The following GPAT4 variants were observed in gnomAD, a reference collection of about 807,000 sequenced individuals.
GPAT4 encodes the protein 1-AGP acyltransferase 6.
A neutral mutation model predicts 58.0 loss-of-function variants in GPAT4; 17 were observed. That is an observed-to-expected ratio of 0.29 (90% CI 0.20 to 0.44). The LOEUF is 0.44. Among genes scored for constraint, GPAT4 ranks in the 20% least tolerant of loss-of-function variants. The pLI, the probability that GPAT4 is intolerant of heterozygous loss-of-function variation, is 1.00. For synonymous variants in GPAT4, 204 were observed against 210.1 expected (o/e 0.97, Z 0.25); for missense variants, 377 against 574.5 (o/e 0.66, Z 3.51).
intron 8 of GPAT4, among the ~76,000 whole-genome samples, chr8:41,613,364 C>T (rs1485936841): frequency 6.6e-6 from 1 of 151,558 alleles, no homozygotes; most frequent in Non-Finnish European, 1.5e-5. Context: ...CCAGCCTGGG[C>T]GATAGAATGA....
chr8:41,615,108 C>A, intron 10 of GPAT4, 60 bp downstream of exon 10: 1 of 1,464,902 alleles, frequency 6.8e-7, no homozygotes. Flanking sequence ...TGGGGTGCAG[C>A]AGGAGGAGGT....
chr8:41,602,383 A>G (rs1803128110), intron 2 of GPAT4, among the ~76,000 whole-genome samples: 1 of 152,186 alleles, frequency 6.6e-6, no homozygotes, highest in South Asian at 2.1e-4. Flanking sequence ...AGCCACCGAA[A>G]GGGTTGTAGA....
At chr8:41,600,031 C>CTTTTATT (rs1563273268) in intron 2 of GPAT4, among the ~76,000 whole-genome samples, 1 of 75,446 alleles carries the variant, frequency 1.3e-5, no homozygotes, top group African/African-American at 5.6e-5. Flanking sequence ...TTATCTTTTT[C>CTTTTATT]TTTTCTTTTT....
chr8:41,609,795 A>G lies in GPAT4; in HGVS notation c.376A>G (p.Ile126Val), dbSNP rs1563277144. The G allele has an allele frequency of 1.9e-6, 3 of 1,614,220 alleles. No individual in the cohort carries two copies. Among genetic ancestry groups the G allele is most frequent in the Non-Finnish European group, 2.5e-6 (3 of 1,180,040 alleles). ...CTTTTGCCGGAAAGGAATGGAGACC[A>G]TTATGGATGATGAGGTGACAAAGAG... is the stretch of plus-strand genomic sequence containing the variant. ...FYFCRKGMET[I>V]MDDEVTKRFS... Residue 126 changes from isoleucine (I) to valine (V), a missense_variant, in exon 4 of 13, where the codon ATT becomes GTT. Ile to Val is a conservative substitution (Grantham distance 29). Coordinates refer to ENST00000396987, the MANE Select transcript of GPAT4 (RefSeq NM_178819.4).
Position 41,579,507 on chromosome 8 carries a change from A to T in GPAT4, c.-849+1229A>T, listed in dbSNP as rs567993817. On this transcript the variant is annotated intron_variant, in intron 1 of 12. Coordinates refer to ENST00000396987, the MANE Select transcript of GPAT4 (RefSeq NM_178819.4). ...AACACAGTAGAGTTGAAGAAAGAGC[A>T]CAGCAAAAGGTATCTTAACATGATA... Among the ~76,000 whole-genome samples the T allele has an allele frequency of 4.6e-5, 7 of 152,364 alleles. No individual in the cohort carries two copies. The South Asian group carries it at 1.2e-3, about 27-fold the overall frequency.
chr8:41,584,513 T>G (rs1343406712), intron 1 of GPAT4, among the ~76,000 whole-genome samples: 1 of 152,110 alleles, frequency 6.6e-6, no homozygotes, highest in East Asian at 1.9e-4. Flanking sequence ...TGCAGCAACA[T>G]GGATGGTTCT....
intron 2 of GPAT4, among the ~76,000 whole-genome samples, chr8:41,601,262 C>A (rs1291862853): frequency 6.6e-6 from 1 of 151,956 alleles, no homozygotes; most frequent in Non-Finnish European, 1.5e-5. Context: ...CCACCCCAGA[C>A]CTATTGAGTT....
intron 12 of GPAT4, 98 bp from the exon 13 acceptor site, chr8:41,620,795 T>C (rs1226199152): frequency 5.3e-6 from 8 of 1,499,668 alleles, no homozygotes; most frequent in Non-Finnish European, 7.2e-6. Flanking sequence ...TTCTGGCAGG[T>C]TTTTCTTGGT....
At chr8:41,603,257 T>C (rs1409599296) in intron 2 of GPAT4, among the ~76,000 whole-genome samples, 1 of 152,214 alleles carries the variant, frequency 6.6e-6, no homozygotes, top group African/African-American at 2.4e-5. Flanking sequence ...CTGGGCGCAG[T>C]GGCTCATGCC....
At chr8:41,601,892 C>T (rs1803110060) in intron 2 of GPAT4, among the ~76,000 whole-genome samples, 1 of 152,166 alleles carries the variant, frequency 6.6e-6, no homozygotes, top group African/African-American at 2.4e-5. Flanking sequence ...GACCTGCAGT[C>T]TTGAACCAAC....
intron 2 of GPAT4, among the ~76,000 whole-genome samples, chr8:41,607,381 T>G (rs1261900298): frequency 3.9e-5 from 6 of 152,190 alleles, no homozygotes; most frequent in Non-Finnish European, 8.8e-5. Context: ...AGCAGATCCC[T>G]TTCCCATGAT....
At chr8:41,596,671 C>T (rs1585657825) in intron 1 of GPAT4, among the ~76,000 whole-genome samples, 4 of 152,208 alleles carry the variant, frequency 2.6e-5, no homozygotes, top group South Asian at 4.1e-4. Context: ...CTGAGTCCCC[C>T]GCAGGGATGC....
At chr8:41,582,161 G>A (rs916691990) in intron 1 of GPAT4, among the ~76,000 whole-genome samples, 1 of 151,224 alleles carries the variant, frequency 6.6e-6, no homozygotes, top group Non-Finnish European at 1.5e-5. Context: ...GCGCCACCAC[G>A]CCCAGTTAAT....
chr8:41,586,713 CCT>C (rs1802663156), intron 1 of GPAT4, among the ~76,000 whole-genome samples: 1 of 152,170 alleles, frequency 6.6e-6, no homozygotes, highest in African/African-American at 2.4e-5. Flanking sequence ...AGCCTCACCA[CCT>C]CTCTTATGAA....
intron 6 of GPAT4, 91 bp from the exon 7 acceptor site, chr8:41,612,089 G>A: frequency 1.3e-6 from 2 of 1,589,648 alleles, no homozygotes. Flanking sequence ...TGAGCTTTTA[G>A]TTAGAGCAGA....
intron 1 of GPAT4, among the ~76,000 whole-genome samples, chr8:41,592,205 A>C (rs763253968): frequency 6.6e-6 from 1 of 152,192 alleles, no homozygotes; most frequent in Non-Finnish European, 1.5e-5. Context: ...TAATAGTGCC[A>C]ATAACACAAC....
chr8:41,611,972 C>G lies in GPAT4; in HGVS notation c.681C>G (p.Ala227=), dbSNP rs1473898770. ...CYRICVRALT[A]IITYHDRENR... is the part of the protein sequence containing the mutation. ...GGATCTGCGTGCGAGCGCTGACAGC[C>G]ATCATCACCTACCATGACAGGTGAG... Residue 227 remains alanine (A), a synonymous_variant, in exon 6 of 13, where the codon GCC becomes GCG. Coordinates refer to ENST00000396987, the MANE Select transcript of GPAT4 (RefSeq NM_178819.4). 8.1e-6 allele frequency: 13 copies of G among 1,614,056 alleles called. No homozygotes were observed.
At chr8:41,615,119 A>T in intron 10 of GPAT4, 71 bp downstream of exon 10, 1 of 1,395,122 alleles carries the variant, frequency 7.2e-7, no homozygotes, top group Non-Finnish European at 1.0e-6. Flanking sequence ...AGGAGGAGGT[A>T]GAGGAAGGAG....
chr8:41,586,632 C>T (rs1006264519), intron 1 of GPAT4, among the ~76,000 whole-genome samples: 8 of 152,164 alleles, frequency 5.3e-5, no homozygotes, highest in Admixed American at 6.5e-5. Context: ...ACAGCCAGCC[C>T]GGTCTGACCT....
Sources: gnomAD v4.1 joint callset for allele counts (sites outside exome capture counted in the v4.1 genomes callset) on GRCh38, gnomAD v4.1.1 for gene constraint, MANE v1.5 for transcripts, NCBI Gene and HGNC (gene_info 2026-07-23, HGNC 2026-07-21) for gene names.